Variants in SCHIP1 observed in about 807,000 individuals in gnomAD.
SCHIP1 encodes schwannomin interacting protein 1.
Under a neutral mutation model 29.7 loss-of-function variants are expected in SCHIP1, and 8 were observed. That is an observed-to-expected ratio of 0.27 (90% confidence interval 0.16 to 0.49). The LOEUF is 0.49. Among genes scored for constraint, SCHIP1 ranks in the 20% least tolerant of loss-of-function variants. The pLI is 0.99. For missense variants in SCHIP1, 193 were observed against 294.6 expected (o/e 0.66, Z 2.52); for synonymous variants, 76 against 94.9 (o/e 0.80, Z 1.16).
the SCHIP1 span, among the ~76,000 whole-genome samples, chr3:159,504,991 A>C: frequency 1.3e-5 from 2 of 152,214 alleles, no homozygotes; most frequent in Non-Finnish European, 1.5e-5. Context: ...GTAGGAGTTA[A>C]CAAGATGAGG....
At chr3:159,811,651 C>T in the SCHIP1 span, among the ~76,000 whole-genome samples, 2 of 152,300 alleles carry the variant, frequency 1.3e-5, no homozygotes, top group South Asian at 4.1e-4. Flanking sequence ...TACATGTCTA[C>T]CCTTATGCCA....
the SCHIP1 span, among the ~76,000 whole-genome samples, chr3:159,801,828 AG>A: frequency 6.6e-6 from 1 of 152,142 alleles, no homozygotes. Flanking sequence ...TGCACGAGGT[AG>A]GAAAAAAACT....
chr3:159,283,238 C>T, the SCHIP1 span, among the ~76,000 whole-genome samples: 4 of 152,116 alleles, frequency 2.6e-5, no homozygotes, highest in South Asian at 2.1e-4. Flanking sequence ...CTGCAACCTC[C>T]GCCTCCTGGG....
the SCHIP1 span, among the ~76,000 whole-genome samples, chr3:159,581,874 A>G: frequency 6.6e-6 from 1 of 152,156 alleles, no homozygotes; most frequent in Non-Finnish European, 1.5e-5. Context: ...TATAAACAGT[A>G]TAATCACATA....
the SCHIP1 span, among the ~76,000 whole-genome samples, chr3:159,595,910 A>G: frequency 1.3e-5 from 2 of 152,210 alleles, no homozygotes; most frequent in South Asian, 2.1e-4. Flanking sequence ...TTCATGACAA[A>G]AACACCAAAA....
chr3:159,654,660 C>T, the SCHIP1 span, among the ~76,000 whole-genome samples: 27 of 152,068 alleles, frequency 1.8e-4, no homozygotes, highest in South Asian at 5.0e-3. Context: ...GTGAGCTCCA[C>T]AGAGGTGGCA....
chr3:159,408,083 G>A, the SCHIP1 span, among the ~76,000 whole-genome samples: 1 of 152,082 alleles, frequency 6.6e-6, no homozygotes, highest in East Asian at 1.9e-4. Flanking sequence ...CGGATCACGA[G>A]GTCAGGAGAT....
At chr3:159,407,314 G>C in the SCHIP1 span, among the ~76,000 whole-genome samples, 2 of 152,174 alleles carry the variant, frequency 1.3e-5, no homozygotes, top group Admixed American at 1.3e-4. Context: ...TAATGATAAA[G>C]GGGTCAATTC....
chr3:159,559,802 T>C, the SCHIP1 span, among the ~76,000 whole-genome samples: 1 of 152,064 alleles, frequency 6.6e-6, no homozygotes, highest in Non-Finnish European at 1.5e-5. Flanking sequence ...TAGATGAGAG[T>C]ATTTTCATGC....
chr3:159,581,234 T>A, the SCHIP1 span, among the ~76,000 whole-genome samples: 1 of 152,174 alleles, frequency 6.6e-6, no homozygotes, highest in Non-Finnish European at 1.5e-5. Context: ...GCAAAATGGC[T>A]AGGGACTTCA....
chr3:159,518,307 A>T, the SCHIP1 span, among the ~76,000 whole-genome samples: 1 of 152,056 alleles, frequency 6.6e-6, no homozygotes, highest in Non-Finnish European at 1.5e-5. Context: ...GAGGAGGAAG[A>T]ATGGGGTTTG....
At chr3:159,641,279 T>C in the SCHIP1 span, among the ~76,000 whole-genome samples, 1 of 152,184 alleles carries the variant, frequency 6.6e-6, no homozygotes, top group Admixed American at 6.5e-5. Context: ...CAATTTATCA[T>C]GGATTTGGAT....
At chr3:159,462,054 A>G in the SCHIP1 span, among the ~76,000 whole-genome samples, 3 of 151,924 alleles carry the variant, frequency 2.0e-5, no homozygotes, top group Admixed American at 6.6e-5. Flanking sequence ...TACTAAAAAT[A>G]CAAAAATTAT....
At chr3:159,669,275 C>T in the SCHIP1 span, among the ~76,000 whole-genome samples, 1 of 152,180 alleles carries the variant, frequency 6.6e-6, no homozygotes, top group Non-Finnish European at 1.5e-5. Flanking sequence ...GAGTTGTTGT[C>T]AAGTCGTAAG....
the SCHIP1 span, among the ~76,000 whole-genome samples, chr3:159,379,837 ACT>A: frequency 7.2e-5 from 11 of 152,140 alleles, no homozygotes; most frequent in South Asian, 4.1e-4. Context: ...TGGAGAGAGG[ACT>A]CTCTGGGAAA....
chr3:159,858,280 AGGGGAGGAC>A (rs1713626231), intron 1 of SCHIP1, among the ~76,000 whole-genome samples: 2 of 152,230 alleles, frequency 1.3e-5, no homozygotes, highest in Admixed American at 1.3e-4. Flanking sequence ...TGGTGCTCAC[AGGGGAGGAC>A]AATCATTTAG....
the SCHIP1 span, among the ~76,000 whole-genome samples, chr3:159,425,109 G>A: frequency 4.5e-4 from 68 of 151,814 alleles, no homozygotes; most frequent in South Asian, 1.5e-3. Context: ...AAAGACCATC[G>A]AGACTAGGAA....
chr3:159,807,872 T>A, the SCHIP1 span, among the ~76,000 whole-genome samples: 1 of 152,212 alleles, frequency 6.6e-6, no homozygotes, highest in Non-Finnish European at 1.5e-5. Flanking sequence ...AGGCAGGTAC[T>A]ACTTCTCTTG....
chr3:159,373,410 T>G, the SCHIP1 span, among the ~76,000 whole-genome samples: 5 of 152,018 alleles, frequency 3.3e-5, no homozygotes, highest in African/African-American at 9.7e-5. Flanking sequence ...TCCATCACCT[T>G]AAATATTTAT....
Sources: allele counts gnomAD v4.1 joint callset (sites outside exome capture counted in the v4.1 genomes callset), GRCh38; gene constraint gnomAD v4.1.1; transcripts MANE v1.5; gene names NCBI Gene and HGNC (gene_info 2026-07-23, HGNC 2026-07-21).